CACHD1: variants seen among roughly 807,000 people sequenced by gnomAD.
CACHD1 encodes VWFA and cache domain-containing protein 1.
A neutral mutation model predicts 138.7 loss-of-function variants in CACHD1; 71 were observed. That is an observed-to-expected ratio of 0.51 (90% confidence interval 0.42 to 0.62). CACHD1 has a LOEUF of 0.62. Among genes scored for constraint, CACHD1 ranks in the 20% least tolerant of loss-of-function variants. The pLI is 0.00. For missense variants in CACHD1, 1,389 were observed against 1,625.3 expected (o/e 0.85, Z 2.50); for synonymous variants, 578 against 591.5 (o/e 0.98, Z 0.33).
At chr1:64,679,421 C>T (rs901910248) in intron 23 of CACHD1, among the ~76,000 whole-genome samples, 174 bp from the exon 24 acceptor site, 1 of 152,214 alleles carries the variant, frequency 6.6e-6, no homozygotes, top group Non-Finnish European at 1.5e-5. Flanking sequence ...TTAAATGTAG[C>T]CTCCGCTCCC....
At chr1:64,652,035 A>G in intron 9 of CACHD1, 126 bp from the exon 10 acceptor site, 1 of 780,804 alleles carries the variant, frequency 1.3e-6, no homozygotes, top group Non-Finnish European at 1.9e-6. Flanking sequence ...CCACATGGGA[A>G]ACTTTTCTTC....
In CACHD1 at chr1:64,682,918, A is replaced by T. The variant is rs920039904; in HGVS notation, c.3586+812A>T. Among the ~76,000 whole-genome samples the T allele has an allele frequency of 1.5e-4, 23 of 150,878 alleles. 2 individuals carry two copies. Among genetic ancestry groups the T allele is most frequent in the Admixed American group, 1.1e-3 (17 of 15,186 alleles). On this transcript the variant is annotated intron_variant, in intron 26 of 26. Transcript: ENST00000651257. ...TAAAATCTTTTTTTTTTTTTAAGAT[A>T]GCTGTTTAATTTTCCAGAAATCTGT...
At position 64,602,830 on chromosome 1, in the gene CACHD1, T is replaced by A. The variant is rs768825442; in HGVS notation, c.435T>A (p.Asn145Lys). ...GATTCGATGGGAACTTTAATACCAA[T>A]GTGTCTAGAACAATTAGTTGTGATC... ...MMEFDGNFNT[N>K]VSRTISCDRL... Residue 145 changes from asparagine to lysine, a missense_variant, in exon 4 of 27, where the codon AAT becomes AAA. This residue lies in a region of CACHD1 where 1,000 missense variants were observed against 1,114.7 expected (regional missense o/e 0.90). Transcript: ENST00000651257. 1 of 1,613,052 alleles carries A rather than the reference T, an allele frequency of 6.2e-7. No homozygotes were observed. The highest frequency in any genetic ancestry group is 1.1e-5 in the South Asian group (1 of 90,958).
At chr1:64,673,906 T>C (rs1649899811) in intron 19 of CACHD1, among the ~76,000 whole-genome samples, 1 of 152,200 alleles carries the variant, frequency 6.6e-6, no homozygotes, top group Non-Finnish European at 1.5e-5. Flanking sequence ...ATGTAAATCA[T>C]CTGAAAATAA....
intron 1 of CACHD1, among the ~76,000 whole-genome samples, chr1:64,475,319 T>C (rs1646168840): frequency 6.6e-6 from 1 of 151,386 alleles, no homozygotes; most frequent in Non-Finnish European, 1.5e-5. Flanking sequence ...ACACATACCA[T>C]CACACCCTGC....
At chr1:64,599,145 C>T (rs1034032749) in intron 3 of CACHD1, among the ~76,000 whole-genome samples, 1 of 151,996 alleles carries the variant, frequency 6.6e-6, no homozygotes, top group Non-Finnish European at 1.5e-5. Context: ...TAATCATGGA[C>T]TTCCCAGCCT....
intron 3 of CACHD1, among the ~76,000 whole-genome samples, chr1:64,586,127 C>T (rs1353000613): frequency 2.0e-5 from 3 of 152,084 alleles, no homozygotes; most frequent in Non-Finnish European, 2.9e-5. Flanking sequence ...GTGATGGCAC[C>T]GTCTCGGCTC....
intron 26 of CACHD1, among the ~76,000 whole-genome samples, chr1:64,684,950 C>G (rs1170432698): frequency 1.3e-5 from 2 of 152,188 alleles, no homozygotes; most frequent in African/African-American, 4.8e-5. Context: ...ACTGGGATTA[C>G]AGGCACATGC....
At chr1:64,615,101 C>T (rs920802691) in intron 4 of CACHD1, among the ~76,000 whole-genome samples, 5 of 152,256 alleles carry the variant, frequency 3.3e-5, no homozygotes, top group African/African-American at 7.2e-5. Flanking sequence ...ATCACCGCTC[C>T]GTACTTTTGA....
chr1:64,516,411 G>A (rs1269448820), intron 1 of CACHD1, among the ~76,000 whole-genome samples: 5 of 152,094 alleles, frequency 3.3e-5, no homozygotes, highest in East Asian at 3.9e-4. Context: ...GGAACCTGTC[G>A]TACTGCCTAA....
At chr1:64,493,245 T>C (rs1249137233) in intron 1 of CACHD1, among the ~76,000 whole-genome samples, 1 of 152,240 alleles carries the variant, frequency 6.6e-6, no homozygotes, top group African/African-American at 2.4e-5. Context: ...GACATTCCAC[T>C]TATTACTATG....
At chr1:64,554,172 C>T (rs1646780007) in intron 2 of CACHD1, among the ~76,000 whole-genome samples, 1 of 152,204 alleles carries the variant, frequency 6.6e-6, no homozygotes, top group South Asian at 2.1e-4. Flanking sequence ...GTTGGGACTA[C>T]ATGTACACCA....
intron 1 of CACHD1, among the ~76,000 whole-genome samples, chr1:64,485,292 A>G (rs1557458213): frequency 6.6e-6 from 1 of 152,186 alleles, no homozygotes; most frequent in African/African-American, 2.4e-5. Flanking sequence ...AAATTATCTG[A>G]TGCTGCTCCT....
chr1:64,652,398 A>G, intron 10 of CACHD1, 88 bp downstream of exon 10: 1 of 1,219,592 alleles, frequency 8.2e-7, no homozygotes, highest in Non-Finnish European at 1.1e-6. Flanking sequence ...AAATAGGAAA[A>G]TGATAGTGTA....
In CACHD1 at chr1:64,666,094, TTGAC is replaced by T. The variant is rs1461775028; in HGVS notation, c.2317_2320del (p.Thr773ValfsTer4). ...AGTAGCTAATCCAGGGTTGATTTCT[TTGAC>T]TGGTCCTTACTTAGATGTTGGAGGA... is the stretch of plus-strand genomic sequence containing the variant. On this transcript the variant is annotated frameshift_variant, in exon 16 of 27. Transcript: ENST00000651257. LOFTEE classifies it high-confidence loss of function. The T allele has an allele frequency of 6.2e-7, 1 of 1,613,006 alleles. No homozygotes were observed. The highest frequency in any genetic ancestry group is 8.5e-7 in the Non-Finnish European group (1 of 1,179,052).
At chr1:64,677,282 G>A (rs894365643) in intron 22 of CACHD1, among the ~76,000 whole-genome samples, 1 of 152,150 alleles carries the variant, frequency 6.6e-6, no homozygotes, top group African/African-American at 2.4e-5. Context: ...AAGGGAGGAG[G>A]AACCCCTGAG....
rs60999960 is a variant in CACHD1, at chr1:64,543,906, C to T, written c.199-6688C>T. 3.6e-3 allele frequency among the ~76,000 whole-genome samples: 383 copies of T among 107,630 alleles called. 4 individuals carry two copies. The highest frequency in any genetic ancestry group is 0.012 in the African/African-American group (368 of 29,542). The allele number at this position is 107,630 out of a possible 152,430, so 70.6% of individuals were successfully genotyped here. ...TTTTTTTTTGGTAGAAACAGGGCTT[C>T]GCCATGTCAGCCATGTGATCCACCG... On this transcript the variant is annotated intron_variant, in intron 1 of 26. Coordinates refer to ENST00000651257, the MANE Select transcript of CACHD1 (RefSeq NM_020925.4).
At chr1:64,565,109 C>T (rs537358624) in intron 2 of CACHD1, among the ~76,000 whole-genome samples, 3 of 150,504 alleles carry the variant, frequency 2.0e-5, no homozygotes, top group Non-Finnish European at 4.4e-5. Context: ...ATTTTGTTTA[C>T]AATTTACCTA....
chr1:64,537,108 G>C (rs552851123), intron 1 of CACHD1, among the ~76,000 whole-genome samples: 51 of 152,290 alleles, frequency 3.3e-4, no homozygotes, highest in Admixed American at 1.8e-3. Context: ...TGATGTGAAA[G>C]TAAATATTCA....
Sources: allele counts gnomAD v4.1 joint callset (sites outside exome capture counted in the v4.1 genomes callset), GRCh38; gene constraint gnomAD v4.1.1; regional missense constraint gnomAD v4.1.1; transcripts MANE v1.5; gene names NCBI Gene and HGNC (gene_info 2026-07-23, HGNC 2026-07-21).